Variants in NCF2 observed in about 807,000 individuals in gnomAD.
NCF2 encodes neutrophil cytosol factor 2.
NCF2 carries 45 observed loss-of-function variants against 70.9 expected under a neutral mutation model. That is an observed-to-expected ratio of 0.63 (90% confidence interval 0.50 to 0.81). The LOEUF (loss-of-function observed/expected upper bound fraction) is 0.81, where lower values mean the gene tolerates loss of function less well. Ranked by LOEUF, NCF2 falls within the 40% of genes least tolerant of loss-of-function variation. The pLI is 0.00. For synonymous variants in NCF2, 203 were observed against 233.6 expected, an observed-to-expected ratio of 0.87 and a Z score of 1.19; for missense variants, 522 against 631.6, an observed-to-expected ratio of 0.83 and a Z score of 1.86.
chr1:183,569,337 G>C (rs1672445658), intron 6 of NCF2, 152 bp from the exon 7 acceptor site: 1 of 759,560 alleles, frequency 1.3e-6, no homozygotes, highest in Non-Finnish European at 2.3e-6. Flanking sequence ...CTAGGAAGAG[G>C]GCACAGTCAC....
At chr1:183,556,891 A>C (rs1671811678) in intron 14 of NCF2, among the ~76,000 whole-genome samples, 1 of 152,142 alleles carries the variant, frequency 6.6e-6, no homozygotes, top group Non-Finnish European at 1.5e-5. Flanking sequence ...TTTTGACTAC[A>C]GAAAAGGGAC....
At chr1:183,579,987 T>C (rs925811553) in intron 2 of NCF2, among the ~76,000 whole-genome samples, 2 of 152,172 alleles carry the variant, frequency 1.3e-5, no homozygotes, top group Admixed American at 1.3e-4. Context: ...TATCAGGATA[T>C]TTTAAAAATA....
intron 7 of NCF2, among the ~76,000 whole-genome samples, chr1:183,567,998 A>G (rs1026882015): frequency 6.6e-6 from 1 of 152,032 alleles, no homozygotes; most frequent in Non-Finnish European, 1.5e-5. Flanking sequence ...TTCAGGTTTC[A>G]GGCTTCCCTC....
At position 183,573,143 on chromosome 1, in the gene NCF2, G is replaced by A. The variant is rs55790185; in HGVS notation, c.609+42C>T. On this transcript the variant is annotated intron_variant, in intron 5 of 14. Transcript: ENST00000367535. Reference sequence around the variant, plus strand: ...CCTCCCACCTTGCTCCACATGGCCCGGGCCACAGGAGACTCAGGGGAAGCT... The same window carrying A: ...CCTCCCACCTTGCTCCACATGGCCCAGGCCACAGGAGACTCAGGGGAAGCT... 7.3e-5 allele frequency: 116 copies of A among 1,580,236 alleles called. 1 individual carries two copies. In the East Asian group the frequency reaches 8.7e-4, roughly 12 times the overall value.
Position 183,563,296 on chromosome 1 carries a change from G to T in NCF2, c.1189C>A (p.Arg397=). The change falls in exon 13 of 15, where the codon CGG becomes AGG. Residue 397 remains arginine (R), a synonymous_variant. Coordinates refer to ENST00000367535, the MANE Select transcript of NCF2 (RefSeq NM_000433.4). ...LEHTKLSYRP[R]DSNELVPLSE... ...AGGGGCACCAGCTCATTGCTGTCCC[G>T]AGGCCGATAGCTGGGTGGGGATAAT... 6.2e-7 allele frequency: 1 copy of T among 1,614,092 alleles called. No homozygotes were observed. The highest frequency in any genetic ancestry group is 8.5e-7 in the Non-Finnish European group (1 of 1,180,026).
At position 183,588,619 on chromosome 1, in the gene NCF2, A is replaced by T. The variant is rs59044936; in HGVS notation, c.174+1537T>A. ...TTTATTGCAAATGAAAATAATTAAAATATTATATAAATTGTTATATTTGTT... is the reference window on the plus strand; with the variant it reads ...TTTATTGCAAATGAAAATAATTAAATTATTATATAAATTGTTATATTTGTT... On this transcript the variant is annotated intron_variant, in intron 1 of 14. Transcript: ENST00000367535. 3.0e-3 allele frequency among the ~76,000 whole-genome samples: 453 copies of T among 152,192 alleles called. 1 individual carries two copies. Among genetic ancestry groups the T allele is most frequent in the African/African-American group, 0.01 (436 of 41,532 alleles).
rs1394520761 is a variant in NCF2, at chr1:183,574,625, G to C, written c.367-4C>G. On this transcript the variant is annotated splice_polypyrimidine_tract_variant and splice_region_variant and intron_variant, in intron 3 of 14. Coordinates refer to ENST00000367535, the MANE Select transcript of NCF2 (RefSeq NM_000433.4). ...TGAAAGCAATGTTATATAACACCTA[G>C]AAAAGTACAGACCGCAACATAAAAC... 2 of 1,614,058 alleles carry C rather than the reference G, an allele frequency of 1.2e-6. No homozygotes were observed. The highest frequency in any genetic ancestry group is 2.2e-5 in the East Asian group (1 of 44,874).
chr1:183,566,979 C>A lies in NCF2; in HGVS notation c.865G>T (p.Val289Phe). The A allele has an allele frequency of 6.2e-7, 1 of 1,614,204 alleles. No homozygotes were observed. Among genetic ancestry groups the A allele is most frequent in the South Asian group, 1.1e-5 (1 of 91,086 alleles). Residue 289 changes from valine to phenylalanine, a missense_variant, in exon 9 of 15, where the codon GTT becomes TTT. Val to Phe is a conservative substitution (Grantham distance 50). Transcript: ENST00000367535. ...TVMFNGQKGLVPCNYLEPVEL... is the reference protein window; with the variant it reads ...TVMFNGQKGLFPCNYLEPVEL... ...ACTGGTTCAAGGTAGTTGCAGGGAA[C>A]AAGCCCCTTCTGCAGTGCAGCACCA...
At chr1:183,599,423 CTTCTTTCTTTCT>C in the NCF2 span, among the ~76,000 whole-genome samples, 408 of 107,496 alleles carry the variant, frequency 3.8e-3, 1 homozygote, top group Middle Eastern at 9.7e-3. Flanking sequence ...TCTTTCTTTC[CTTCTTTCTTTCT>C]TTCTTTCTTT....
intron 11 of NCF2, chr1:183,563,799 C>A: frequency 2.5e-6 from 2 of 811,896 alleles, no homozygotes; most frequent in Non-Finnish European, 4.1e-6. Flanking sequence ...TAAGATCTGG[C>A]CCACTAGCTT....
At chr1:183,561,169 C>T (rs1387219860) in intron 13 of NCF2, among the ~76,000 whole-genome samples, 2 of 152,180 alleles carry the variant, frequency 1.3e-5, no homozygotes, top group East Asian at 3.8e-4. Context: ...TTTTGCTTCA[C>T]AAATGAAGGA....
rs528588181 is a variant in NCF2, at chr1:183,561,975, A to G, written c.1290+1220T>C. Reference sequence around the variant, plus strand: ...ACACCCAGCTAATTTTTGTATTTTCAGTAGAGATGGGGTTTCACCATGTTG... The same window carrying G: ...ACACCCAGCTAATTTTTGTATTTTCGGTAGAGATGGGGTTTCACCATGTTG... On this transcript the variant is annotated intron_variant, in intron 13 of 14. Coordinates refer to ENST00000367535, the MANE Select transcript of NCF2 (RefSeq NM_000433.4). 1.1e-4 allele frequency among the ~76,000 whole-genome samples: 17 copies of G among 151,602 alleles called. No individual in the cohort carries two copies. In the East Asian group the frequency reaches 2.1e-3, roughly 19 times the overall value.
chr1:183,564,993 G>C (rs1489572990), intron 10 of NCF2, among the ~76,000 whole-genome samples: 1 of 152,210 alleles, frequency 6.6e-6, no homozygotes, highest in African/African-American at 2.4e-5. Context: ...CAATTGGTGA[G>C]TTTAAGTGAA....
At chr1:183,571,485 CCT>C (rs1335920019) in intron 5 of NCF2, among the ~76,000 whole-genome samples, 1 of 152,104 alleles carries the variant, frequency 6.6e-6, no homozygotes, top group African/African-American at 2.4e-5. Context: ...GCAACTACTG[CCT>C]CTCTCTAATT....
chr1:183,600,946 G>A, the NCF2 span, among the ~76,000 whole-genome samples: 19 of 152,142 alleles, frequency 1.2e-4, no homozygotes, highest in Admixed American at 3.3e-4. Context: ...AAGAGCTTGC[G>A]AGATCATTTG....
intron 9 of NCF2, 91 bp from the exon 10 acceptor site, chr1:183,565,870 G>A (rs1672279440): frequency 3.2e-6 from 4 of 1,247,050 alleles, no homozygotes; most frequent in Non-Finnish European, 4.7e-6. Flanking sequence ...GAGACCCCAT[G>A]TAAAGGAGCC....
At position 183,565,686 on chromosome 1, in the gene NCF2, G is replaced by A; in HGVS notation, c.1000+18C>T. The stretch of plus-strand genomic sequence containing the variant: ...GCTGCTGCACCCAGACCTAGGCTGT[G>A]GCTCCAGGACCACTCACCTGGTGAC... On this transcript the variant is annotated intron_variant, in intron 10 of 14. Coordinates refer to ENST00000367535, the MANE Select transcript of NCF2 (RefSeq NM_000433.4). 1 of 1,611,128 alleles carries A rather than the reference G, an allele frequency of 6.2e-7. No individual in the cohort carries two copies. Among genetic ancestry groups the A allele is most frequent in the South Asian group, 1.1e-5 (1 of 90,968 alleles).
At position 183,564,091 on chromosome 1, in the gene NCF2, C is replaced by A. The variant is rs1481193925; in HGVS notation, c.1001-61G>T. On this transcript the variant is annotated intron_variant, in intron 10 of 14. Transcript: ENST00000367535. ...ATGGTGAATGAACATCCTTGGCCAG[C>A]CCCTGCCACACACAGATGAAACCTC... 12 of 1,509,490 alleles carry A rather than the reference C, an allele frequency of 7.9e-6. No individual in the cohort carries two copies. In the Admixed American group the frequency reaches 1.8e-4, roughly 23 times the overall value. The allele number at this position is 1,509,490 out of a possible 1,614,324, so 93.5% of individuals were successfully genotyped here.
At chr1:183,587,625 A>T (rs1165315143) in intron 1 of NCF2, among the ~76,000 whole-genome samples, 4 of 130,226 alleles carry the variant, frequency 3.1e-5, no homozygotes, top group Non-Finnish European at 6.4e-5. Flanking sequence ...AAAAAAAAAA[A>T]TCCAATGATA....
Sources: gnomAD v4.1 joint callset for allele counts (sites outside exome capture counted in the v4.1 genomes callset) on GRCh38, gnomAD v4.1.1 for gene constraint, MANE v1.5 for transcripts, NCBI Gene and HGNC (gene_info 2026-07-23, HGNC 2026-07-21) for gene names.